Variants in SENP7 observed in about 807,000 individuals in gnomAD.
The protein encoded by SENP7 is SUMO specific peptidase 7.
A neutral mutation model predicts 141.2 loss-of-function variants in SENP7; 64 were observed. The ratio of observed to expected loss-of-function variants is 0.45; its 90% confidence interval spans 0.37 to 0.56. SENP7 has a LOEUF of 0.56. SENP7 is among the 20% of genes least tolerant of loss of function. The probability of loss-of-function intolerance (pLI) is 0.00; values close to 1 mark genes in which losing one functional copy is unlikely to be tolerated. For missense variants in SENP7, 1,025 were observed against 1,212.2 expected (o/e 0.85, Z 2.29); for synonymous variants, 382 against 426.4 (o/e 0.90, Z 1.28).
intron 3 of SENP7, among the ~76,000 whole-genome samples, chr3:101,468,266 C>T (rs2063838090): frequency 6.6e-6 from 1 of 152,116 alleles, no homozygotes; most frequent in African/African-American, 2.4e-5. Flanking sequence ...AGAATGTAAC[C>T]AAGTTGGAAA....
chr3:101,403,372 C>T (rs916821360), intron 5 of SENP7, among the ~76,000 whole-genome samples: 1 of 152,144 alleles, frequency 6.6e-6, no homozygotes, highest in Non-Finnish European at 1.5e-5. Flanking sequence ...AATTTTAGAT[C>T]CTTGGAGAAC....
At chr3:101,339,246 G>T (rs1447943998) in intron 16 of SENP7, among the ~76,000 whole-genome samples, 1 of 152,096 alleles carries the variant, frequency 6.6e-6, no homozygotes, top group Non-Finnish European at 1.5e-5. Flanking sequence ...ATAGAGCTTA[G>T]GTAAGATTAT....
chr3:101,338,282 G>C (rs1345929622), intron 16 of SENP7, among the ~76,000 whole-genome samples: 1 of 152,132 alleles, frequency 6.6e-6, no homozygotes, highest in African/African-American at 2.4e-5. Context: ...ATAATCCAGA[G>C]GAGTGAGGGT....
chr3:101,396,926 C>T (rs1200569314), intron 6 of SENP7, among the ~76,000 whole-genome samples: 1 of 152,210 alleles, frequency 6.6e-6, no homozygotes, highest in Non-Finnish European at 1.5e-5. Flanking sequence ...TCACTGCAAC[C>T]TCCACCTCCT....
chr3:101,355,697 C>CT (rs954477040), intron 11 of SENP7, among the ~76,000 whole-genome samples: 7 of 151,894 alleles, frequency 4.6e-5, no homozygotes, highest in South Asian at 2.1e-4. Context: ...AATCAGGCCT[C>CT]TTTTTTTTGG....
intron 3 of SENP7, among the ~76,000 whole-genome samples, chr3:101,486,953 G>A (rs973694710): frequency 2.6e-5 from 4 of 152,126 alleles, no homozygotes; most frequent in Non-Finnish European, 5.9e-5. Context: ...CACCAAAAGC[G>A]AGCAGGAGTA....
At chr3:101,365,758 T>C (rs1180978502) in intron 9 of SENP7, among the ~76,000 whole-genome samples, 1 of 152,198 alleles carries the variant, frequency 6.6e-6, no homozygotes, top group Non-Finnish European at 1.5e-5. Flanking sequence ...TTATCTGATT[T>C]ATAGTAGTTA....
At chr3:101,506,158 C>A (rs1343815590) in intron 1 of SENP7, among the ~76,000 whole-genome samples, 1 of 152,006 alleles carries the variant, frequency 6.6e-6, no homozygotes, top group Non-Finnish European at 1.5e-5. Flanking sequence ...GTACCTGGGA[C>A]TACAGGCAGG....
intron 3 of SENP7, among the ~76,000 whole-genome samples, chr3:101,461,684 G>A (rs371726143): frequency 6.6e-6 from 1 of 151,296 alleles, no homozygotes; most frequent in African/African-American, 2.4e-5. Context: ...TAAAACAAAA[G>A]AATGGAAAAC....
At chr3:101,477,871 A>AG (rs1247433148) in intron 3 of SENP7, among the ~76,000 whole-genome samples, 1 of 151,822 alleles carries the variant, frequency 6.6e-6, no homozygotes, top group Admixed American at 6.6e-5. Context: ...AAGTTAGTAG[A>AG]GAAAAAAAAA....
Position 101,343,716 on chromosome 3 carries a change from A to C in SENP7, c.2076T>G (p.Ala692=), listed in dbSNP as rs1439416337. The change falls in exon 14 of 24, where the codon GCT becomes GCG. Residue 692 remains alanine (A), a synonymous_variant. Transcript: ENST00000394095. Reference sequence around the variant, plus strand: ...ATACTGATTTCAGCTTCATTTCTTCAGCAACAGCAACACCAGCAGGGAAAG... The same window carrying C: ...ATACTGATTTCAGCTTCATTTCTTCCGCAACAGCAACACCAGCAGGGAAAG... ...TCSFPAGVAV[A]EEMKLKSVSQ... is the part of the protein sequence containing the mutation. 6 of 1,612,354 alleles carry C rather than the reference A, an allele frequency of 3.7e-6. No homozygotes were observed. Among genetic ancestry groups the C allele is most frequent in the Non-Finnish European group, 5.1e-6 (6 of 1,179,402 alleles).
chr3:101,421,694 T>C (rs569992117), intron 4 of SENP7, among the ~76,000 whole-genome samples: 1 of 152,330 alleles, frequency 6.6e-6, no homozygotes, highest in Non-Finnish European at 1.5e-5. Context: ...TTTGACTTTA[T>C]TATAATTTGT....
chr3:101,328,551 GAA>G lies in SENP7; in HGVS notation c.2796-7_2796-6del, dbSNP rs759266565. ...TCTAGTATAAGAATACATGGCCTAT[GAA>G]AAGCAAAGGACAAAATCAAGATTTA... On this transcript the variant is annotated splice_polypyrimidine_tract_variant and splice_region_variant and intron_variant, in intron 21 of 23. Coordinates refer to ENST00000394095, the MANE Select transcript of SENP7 (RefSeq NM_020654.5). 58 of 1,611,606 alleles carry G rather than the reference GAA, an allele frequency of 3.6e-5. 1 individual carries two copies. The South Asian group carries it at 6.2e-4, about 17-fold the overall frequency.
chr3:101,402,905 G>T (rs1211970265), intron 5 of SENP7, among the ~76,000 whole-genome samples: 1 of 152,146 alleles, frequency 6.6e-6, no homozygotes, highest in African/African-American at 2.4e-5. Flanking sequence ...ATAGCCCATG[G>T]ATCAAGAAGT....
At chr3:101,487,013 G>C (rs1447349130) in intron 3 of SENP7, among the ~76,000 whole-genome samples, 2 of 152,182 alleles carry the variant, frequency 1.3e-5, no homozygotes, top group East Asian at 3.8e-4. Context: ...GCAGTTAAAA[G>C]AGACAAAGAT....
rs374034620 is a variant in SENP7 at position 101,342,170 on chromosome 3, GACA to G, written c.2107-394_2107-392del. Among the ~76,000 whole-genome samples the G allele has an allele frequency of 3.4e-3, 523 of 152,092 alleles. 5 individuals carry two copies. Among genetic ancestry groups the G allele is most frequent in the African/African-American group, 0.012 (513 of 41,490 alleles). On this transcript the variant is annotated intron_variant, in intron 14 of 23. Coordinates refer to ENST00000394095, the MANE Select transcript of SENP7 (RefSeq NM_020654.5). ...CAATATAATTAGGATGCAAAATATT[GACA>G]ACATTATACATAAAGAAAGATAGAG...
chr3:101,396,564 G>C (rs980185502), intron 6 of SENP7, among the ~76,000 whole-genome samples: 1 of 151,872 alleles, frequency 6.6e-6, no homozygotes, highest in African/African-American at 2.4e-5. Flanking sequence ...ATTCTCAGAA[G>C]TGAGATTTAA....
At chr3:101,339,934 A>C (rs1576002270) in intron 16 of SENP7, among the ~76,000 whole-genome samples, 161 bp downstream of exon 16, 1 of 152,318 alleles carries the variant, frequency 6.6e-6, no homozygotes, top group East Asian at 1.9e-4. Context: ...AAACTGAATA[A>C]GTCAATTCTA....
At chr3:101,359,219 A>G (rs905949478) in intron 11 of SENP7, 19 of 152,090 alleles carry the variant, frequency 1.2e-4, no homozygotes, top group Non-Finnish European at 1.5e-5. Context: ...TTCACAGGAA[A>G]GCTATTACCC....
Sources: allele counts gnomAD v4.1 joint callset (sites outside exome capture counted in the v4.1 genomes callset), GRCh38; gene constraint gnomAD v4.1.1; transcripts MANE v1.5; gene names NCBI Gene and HGNC (gene_info 2026-07-23, HGNC 2026-07-21).